Variants in EEFSEC observed in about 807,000 individuals in gnomAD.
EEFSEC encodes selenocysteine-specific elongation factor.
A neutral mutation model predicts 42.1 loss-of-function variants in EEFSEC; 43 were observed. The ratio of observed to expected loss-of-function variants is 1.02; its 90% CI spans 0.80 to 1.32. EEFSEC has a LOEUF of 1.32. Ranked by LOEUF, EEFSEC falls within the 40% of genes most tolerant of loss-of-function variation. The probability of loss-of-function intolerance (pLI) is 0.00; values close to 1 mark genes in which losing one functional copy is unlikely to be tolerated. For synonymous variants in EEFSEC, 354 were observed against 339.1 expected (o/e 1.04, Z -0.48); for missense variants, 745 against 803.6 (o/e 0.93, Z 0.88).
At chr3:128,194,858 T>A (rs911358836) in intron 1 of EEFSEC, among the ~76,000 whole-genome samples, 6 of 152,254 alleles carry the variant, frequency 3.9e-5, no homozygotes, top group African/African-American at 1.4e-4. Flanking sequence ...CATTAGGGGC[T>A]AAGATCTAGG....
At chr3:128,187,139 C>G (rs2065474113) in intron 1 of EEFSEC, among the ~76,000 whole-genome samples, 1 of 152,226 alleles carries the variant, frequency 6.6e-6, no homozygotes, top group Admixed American at 6.5e-5. Context: ...GCAAGTCTCC[C>G]ATCTCTGAAT....
chr3:128,332,207 CA>C (rs1275120722), intron 4 of EEFSEC, among the ~76,000 whole-genome samples: 2 of 152,258 alleles, frequency 1.3e-5, no homozygotes, highest in East Asian at 3.9e-4. Context: ...TATATACACA[CA>C]CACAAATATG....
intron 4 of EEFSEC, among the ~76,000 whole-genome samples, chr3:128,301,555 A>T (rs1356544458): frequency 1.3e-5 from 2 of 152,134 alleles, no homozygotes; most frequent in African/African-American, 4.8e-5. Context: ...TGTCAAGGGG[A>T]GGCAGGTGTT....
intron 4 of EEFSEC, among the ~76,000 whole-genome samples, chr3:128,309,438 G>C (rs2066867289): frequency 6.6e-6 from 1 of 152,124 alleles, no homozygotes; most frequent in African/African-American, 2.4e-5. Context: ...AGAGAAGAGA[G>C]AGGCCCCTGC....
intron 4 of EEFSEC, among the ~76,000 whole-genome samples, chr3:128,272,456 G>A (rs955480221): frequency 6.6e-6 from 1 of 152,160 alleles, no homozygotes; most frequent in Non-Finnish European, 1.5e-5. Flanking sequence ...GGGCTGAACG[G>A]CCACCTTACT....
At chr3:128,395,868 G>A (rs772827042) in intron 6 of EEFSEC, among the ~76,000 whole-genome samples, 3 of 152,174 alleles carry the variant, frequency 2.0e-5, no homozygotes, top group Non-Finnish European at 4.4e-5. Flanking sequence ...GGAGAGAGCC[G>A]GGCCATGTGT....
chr3:128,189,809 C>T (rs1190222821), intron 1 of EEFSEC, among the ~76,000 whole-genome samples: 1 of 152,096 alleles, frequency 6.6e-6, no homozygotes, highest in Non-Finnish European at 1.5e-5. Flanking sequence ...ATCCACCTGC[C>T]AAGGCATTGC....
intron 1 of EEFSEC, among the ~76,000 whole-genome samples, chr3:128,207,004 G>C (rs2107825898): frequency 6.6e-6 from 1 of 152,190 alleles, no homozygotes; most frequent in South Asian, 2.1e-4. Flanking sequence ...CAGCTGAGGG[G>C]GCCCCTTAAG....
At chr3:128,395,501 A>G (rs571559233) in intron 6 of EEFSEC, among the ~76,000 whole-genome samples, 3 of 152,240 alleles carry the variant, frequency 2.0e-5, no homozygotes, top group East Asian at 1.9e-4. Context: ...CACTGCTGTC[A>G]TGGGTGGTTT....
downstream of EEFSEC, among the ~76,000 whole-genome samples, chr3:128,409,787 T>C (rs1354987933): frequency 6.6e-6 from 1 of 152,152 alleles, no homozygotes; most frequent in Non-Finnish European, 1.5e-5. Context: ...CAGTGGCCCC[T>C]CTCCCTGGGG....
intron 1 of EEFSEC, among the ~76,000 whole-genome samples, chr3:128,193,453 C>G (rs534915689): frequency 6.6e-6 from 1 of 152,222 alleles, no homozygotes; most frequent in Non-Finnish European, 1.5e-5. Flanking sequence ...CTGCCTGTAG[C>G]CTGACTATTG....
At chr3:128,306,450 CT>C (rs1229731001) in intron 4 of EEFSEC, among the ~76,000 whole-genome samples, 1 of 152,130 alleles carries the variant, frequency 6.6e-6, no homozygotes, top group Non-Finnish European at 1.5e-5. Flanking sequence ...CTCATTTAAC[CT>C]CCTCTGCCTA....
the EEFSEC span, among the ~76,000 whole-genome samples, chr3:128,414,128 C>T: frequency 6.6e-6 from 1 of 152,356 alleles, no homozygotes; most frequent in African/African-American, 2.4e-5. Flanking sequence ...TCACCTCTTC[C>T]CTGTCCATGC....
intron 2 of EEFSEC, among the ~76,000 whole-genome samples, chr3:128,258,787 C>T (rs986893554): frequency 6.6e-6 from 1 of 152,096 alleles, no homozygotes; most frequent in African/African-American, 2.4e-5. Context: ...TAATTAAGGG[C>T]AAGGGTTTTA....
chr3:128,399,046 T>G (rs910948242), intron 6 of EEFSEC, among the ~76,000 whole-genome samples: 2 of 151,950 alleles, frequency 1.3e-5, no homozygotes, highest in South Asian at 4.2e-4. Context: ...TTTCTGCCTA[T>G]TTCAGAATGG....
At chr3:128,282,315 G>A (rs1241480530) in intron 4 of EEFSEC, among the ~76,000 whole-genome samples, 2 of 152,358 alleles carry the variant, frequency 1.3e-5, no homozygotes, top group East Asian at 3.9e-4. Context: ...CGGTTCACAG[G>A]GAGCCCTTTG....
intron 1 of EEFSEC, among the ~76,000 whole-genome samples, chr3:128,227,993 A>T (rs958030581): frequency 7.9e-5 from 12 of 152,196 alleles, no homozygotes; most frequent in African/African-American, 2.9e-4. Flanking sequence ...CTAAACAAGC[A>T]TACATAACCT....
intron 2 of EEFSEC, among the ~76,000 whole-genome samples, chr3:128,257,836 C>T (rs896610660): frequency 6.6e-6 from 1 of 150,442 alleles, no homozygotes; most frequent in Non-Finnish European, 1.5e-5. Context: ...GTCAAGCTGT[C>T]CCCCCCCAGC....
chr3:128,264,501 G>A, intron 3 of EEFSEC, 116 bp from the exon 4 acceptor site: 1 of 1,215,658 alleles, frequency 8.2e-7, no homozygotes, highest in Non-Finnish European at 1.2e-6. Flanking sequence ...CCTCTGAGCT[G>A]AGTTCACCTT....
Sources: gnomAD v4.1 joint callset for allele counts (sites outside exome capture counted in the v4.1 genomes callset) on GRCh38, gnomAD v4.1.1 for gene constraint, MANE v1.5 for transcripts, NCBI Gene and HGNC (gene_info 2026-07-23, HGNC 2026-07-21) for gene names.